THYN1: variants seen among roughly 807,000 people sequenced by gnomAD.
THYN1 encodes thymocyte nuclear protein 1.
THYN1 carries 32 observed loss-of-function variants against 30.6 expected under a neutral mutation model. The ratio of observed to expected loss-of-function variants is 1.05; its 90% CI spans 0.79 to 1.40. The LOEUF (loss-of-function observed/expected upper bound fraction) is 1.40. Among genes scored for constraint, THYN1 ranks in the 40% most tolerant of loss-of-function variants. The pLI is 0.00. For synonymous variants in THYN1, 107 were observed against 90.8 expected (o/e 1.18, Z -1.01); for missense variants, 259 against 272.6 (o/e 0.95, Z 0.35).
rs1939023383 is a variant in THYN1 at position 134,251,037 on chromosome 11, TAAG to T, written c.222+90_222+92del. ...TTACCTTTTTCCTTCCCTTCAAAGA[TAAG>T]AAGCTGGGGATGGAACCCTATGGTG... On this transcript the variant is annotated intron_variant, in intron 2 of 6. Transcript: ENST00000341541. The T allele has an allele frequency of 4.5e-6, 6 of 1,320,508 alleles. No individual in the cohort carries two copies. In the Admixed American group the frequency reaches 8.0e-5, roughly 18 times the overall value. The allele number at this position is 1,320,508 out of a possible 1,614,324, so 81.8% of individuals were successfully genotyped here.
In THYN1 at chr11:134,250,262, C is replaced by T; in HGVS notation, c.291+13G>A. 1 of 1,614,108 alleles carries T rather than the reference C, an allele frequency of 6.2e-7. No homozygotes were observed. Among genetic ancestry groups the T allele is most frequent in the Non-Finnish European group, 8.5e-7 (1 of 1,179,984 alleles). The stretch of plus-strand genomic sequence containing the variant: ...CACCTGGGTCTCAGGCGACCTCCTC[C>T]TTACCCTCTTACCTGGTAGTTACGA... On this transcript the variant is annotated intron_variant, in intron 3 of 6. Coordinates refer to ENST00000341541, the MANE Select transcript of THYN1 (RefSeq NM_014174.3).
chr11:134,252,979 T>G lies in THYN1; in HGVS notation c.-97A>C, dbSNP rs535544284. 1.5e-5 allele frequency: 23 copies of G among 1,490,272 alleles called. No homozygotes were observed. The Admixed American group carries it at 4.2e-4, about 27-fold the overall frequency. 92.3% of individuals were successfully genotyped at this position (1,490,272 alleles called of 1,614,324 possible). A position where few individuals can be genotyped will look rare whatever the true frequency, so the allele number is the denominator to read the frequency against. On this transcript the variant is annotated 5_prime_UTR_variant, in exon 1 of 7. Coordinates refer to ENST00000341541, the MANE Select transcript of THYN1 (RefSeq NM_014174.3). Reference sequence around the variant, plus strand: ...CCTCCAAAACCCGCGCAGAGCGAGATGGAGGCAACGAGAGGCAGCCTAGAA... The same window carrying G: ...CCTCCAAAACCCGCGCAGAGCGAGAGGGAGGCAACGAGAGGCAGCCTAGAA...
intron 4 of THYN1, 102 bp from the exon 5 acceptor site, chr11:134,249,364 AC>A: frequency 1.7e-6 from 2 of 1,176,622 alleles, no homozygotes; most frequent in Middle Eastern, 3.9e-4. Context: ...CACATTCTTA[AC>A]CCATCTGCCT....
At chr11:134,250,075 T>TA (rs1304129010) in intron 3 of THYN1, among the ~76,000 whole-genome samples, 155 bp from the exon 4 acceptor site, 1 of 152,214 alleles carries the variant, frequency 6.6e-6, no homozygotes, top group African/African-American at 2.4e-5. Flanking sequence ...ACACCCAGAC[T>TA]TTTACCAGGA....
In THYN1 at chr11:134,248,354, A is replaced by C; in HGVS notation, c.*84T>G. 2.0e-6 allele frequency: 3 copies of C among 1,511,002 alleles called. No individual in the cohort carries two copies. Among genetic ancestry groups the C allele is most frequent in the Non-Finnish European group, 2.8e-6 (3 of 1,086,198 alleles). The allele number at this position is 1,511,002 out of a possible 1,614,324, so 93.6% of individuals were successfully genotyped here. A position where few individuals can be genotyped will look rare whatever the true frequency, so the allele number is the denominator to read the frequency against. ...TACACAAGCCCAGGTAAGCATACCA[A>C]GCAAGCCCCCTCACACCTTTTGTCT... On this transcript the variant is annotated 3_prime_UTR_variant, in exon 7 of 7. Coordinates refer to ENST00000341541, the MANE Select transcript of THYN1 (RefSeq NM_014174.3).
chr11:134,248,921 A>G lies in THYN1; in HGVS notation c.519T>C (p.Ile173=). 2 of 1,614,118 alleles carry G rather than the reference A, an allele frequency of 1.2e-6. No homozygotes were observed. Among genetic ancestry groups the G allele is most frequent in the Non-Finnish European group, 1.7e-6 (2 of 1,180,036 alleles). Residue 173 remains isoleucine, a synonymous_variant, in exon 6 of 7, where the codon ATT becomes ATC. Transcript: ENST00000341541. The part of the protein sequence containing the change: ...VQFVRMMKRF[I]PLAELKSYHQ... The stretch of plus-strand genomic sequence containing the variant: ...GATAGGATTTGAGCTCAGCCAGGGG[A>G]ATGAAACGTTTCATCATCCGAACAA...
At position 134,250,302 on chromosome 11, in the gene THYN1, T is replaced by C. The variant is rs1311996201; in HGVS notation, c.264A>G (p.Thr88=). ...EDLKAQPKQT[T]CWDGVRNYQA... Reference sequence around the variant, plus strand: ...GGTAGTTACGAACACCATCCCAGCATGTTGTCTGTTTGGGCTGTGCTTTGA... The same window carrying C: ...GGTAGTTACGAACACCATCCCAGCACGTTGTCTGTTTGGGCTGTGCTTTGA... The change falls in exon 3 of 7, where the codon ACA becomes ACG. Residue 88 remains threonine (T), a synonymous_variant. Coordinates refer to ENST00000341541, the MANE Select transcript of THYN1 (RefSeq NM_014174.3). 6.2e-7 allele frequency: 1 copy of C among 1,614,170 alleles called. No individual in the cohort carries two copies. The highest frequency in any genetic ancestry group is 8.5e-7 in the Non-Finnish European group (1 of 1,180,010).
intron 2 of THYN1, 133 bp downstream of exon 2, chr11:134,250,997 C>T (rs1288268230): frequency 1.7e-5 from 18 of 1,083,154 alleles, no homozygotes; most frequent in South Asian, 3.7e-5. Context: ...TAAACCCTGC[C>T]GATTTTATTC....
Position 134,249,159 on chromosome 11 carries a change from G to A in THYN1, c.480+8C>T, listed in dbSNP as rs1303514395. On this transcript the variant is annotated splice_region_variant and intron_variant, in intron 5 of 6. Coordinates refer to ENST00000341541, the MANE Select transcript of THYN1 (RefSeq NM_014174.3). Reference sequence around the variant, plus strand: ...CCCCTGTCATGAAATAGAAAGCATAGTCTTTACCATGGACCACTTAGGGTT... The same window carrying A: ...CCCCTGTCATGAAATAGAAAGCATAATCTTTACCATGGACCACTTAGGGTT... 2 of 1,609,314 alleles carry A rather than the reference G, an allele frequency of 1.2e-6. No homozygotes were observed. Among genetic ancestry groups the A allele is most frequent in the African/African-American group, 1.3e-5 (1 of 74,666 alleles).
chr11:134,249,569 CTAT>C (rs1938951328), intron 4 of THYN1, among the ~76,000 whole-genome samples: 1 of 152,130 alleles, frequency 6.6e-6, no homozygotes, highest in African/African-American at 2.4e-5. Context: ...CTTGGAGGAG[CTAT>C]CATCAGGCCT....
chr11:134,251,730 T>G (rs1388681954), intron 1 of THYN1: 1 of 156,074 alleles, frequency 6.4e-6, no homozygotes, highest in Non-Finnish European at 1.4e-5. Flanking sequence ...ATAAAAGCAT[T>G]ATTATTCTCA....
intron 1 of THYN1, 102 bp downstream of exon 1, chr11:134,252,738 A>G: frequency 7.5e-7 from 1 of 1,333,870 alleles, no homozygotes; most frequent in Non-Finnish European, 1.1e-6. Flanking sequence ...AAAATATCAC[A>G]AAGGGTTCTC....
intron 5 of THYN1, 56 bp from the exon 6 acceptor site, chr11:134,249,015 T>C: frequency 6.2e-7 from 1 of 1,604,828 alleles, no homozygotes; most frequent in Non-Finnish European, 8.5e-7. Context: ...CTGTGCCCAC[T>C]GTATTTTTAA....
chr11:134,249,101 A>C (rs765312231), intron 5 of THYN1, 66 bp downstream of exon 5: 6 of 1,563,124 alleles, frequency 3.8e-6, no homozygotes, highest in Non-Finnish European at 5.2e-6. Context: ...ACCTACAGTC[A>C]CCCCAACCGT....
intron 2 of THYN1, among the ~76,000 whole-genome samples, chr11:134,250,882 A>G (rs1181278984): frequency 1.3e-5 from 2 of 152,172 alleles, no homozygotes; most frequent in Admixed American, 1.3e-4. Context: ...TGCAACAGAG[A>G]CTGTAACACG....
intron 2 of THYN1, 69 bp downstream of exon 2, chr11:134,251,061 T>C: frequency 6.8e-7 from 1 of 1,464,106 alleles, no homozygotes; most frequent in South Asian, 1.4e-5. Flanking sequence ...TGGAACCCTA[T>C]GGTGTCCCAT....
intron 4 of THYN1, 34 bp from the exon 5 acceptor site, chr11:134,249,296 C>G (rs1188737085): frequency 1.3e-6 from 2 of 1,595,936 alleles, no homozygotes; most frequent in South Asian, 2.2e-5. Flanking sequence ...AATCATCTGC[C>G]TGCAGTCAGC....
rs1591493426 is a variant in THYN1, at chr11:134,251,437, T to C, written c.44-129A>G. The C allele has an allele frequency of 3.8e-6, 4 of 1,046,896 alleles. No homozygotes were observed. The South Asian group carries it at 4.8e-5, about 12-fold the overall frequency. The allele number at this position is 1,046,896 out of a possible 1,614,324, so 64.9% of individuals were successfully genotyped here. A position where few individuals can be genotyped will look rare whatever the true frequency, so the allele number is the denominator to read the frequency against. On this transcript the variant is annotated intron_variant, in intron 1 of 6. Coordinates refer to ENST00000341541, the MANE Select transcript of THYN1 (RefSeq NM_014174.3). ...TCCATTACCAGCTGTAGGAACTTAA[T>C]CTTACTGTTAAGAAGCTTTCCTTAT...
In THYN1 at chr11:134,248,661, T is replaced by G. The variant is rs1271191418; in HGVS notation, c.631+148A>C. 3 of 1,345,526 alleles carry G rather than the reference T, an allele frequency of 2.2e-6. No individual in the cohort carries two copies. The East Asian group carries it at 7.0e-5, about 32-fold the overall frequency. 83.3% of individuals were successfully genotyped at this position (1,345,526 alleles called of 1,614,324 possible). ...ACTGGGTAATAGTAACAGGTAACTC[T>G]GGCCACATTCCCTCCCTCATGGGTG... On this transcript the variant is annotated intron_variant, in intron 6 of 6. Coordinates refer to ENST00000341541, the MANE Select transcript of THYN1 (RefSeq NM_014174.3).
Sources: allele counts gnomAD v4.1 joint callset (sites outside exome capture counted in the v4.1 genomes callset), GRCh38; gene constraint gnomAD v4.1.1; transcripts MANE v1.5; gene names NCBI Gene and HGNC (gene_info 2026-07-23, HGNC 2026-07-21).